Variants in CYSLTR2 observed in about 807,000 individuals in gnomAD.
CYSLTR2 encodes cysteinyl leukotriene receptor 2.
For missense variants in CYSLTR2, 398 were observed against 411.9 expected, an observed-to-expected ratio of 0.97 and a Z score of 0.29; for synonymous variants, 179 against 160.8, an observed-to-expected ratio of 1.11 and a Z score of -0.86.
At chr13:48,688,292 G>A (rs192924094) in intron 1 of CYSLTR2, among the ~76,000 whole-genome samples, 1 of 151,890 alleles carries the variant, frequency 6.6e-6, no homozygotes, top group African/African-American at 2.4e-5. Flanking sequence ...ATACTTTTAA[G>A]TTATGGGCTA....
chr13:48,658,819 T>C (rs1227108546), intron 1 of CYSLTR2, among the ~76,000 whole-genome samples: 1 of 152,106 alleles, frequency 6.6e-6, no homozygotes, highest in African/African-American at 2.4e-5. Context: ...GAGAATATGC[T>C]GGACAACAAG....
chr13:48,690,368 A>G (rs1021572344), intron 1 of CYSLTR2, among the ~76,000 whole-genome samples: 1 of 152,168 alleles, frequency 6.6e-6, no homozygotes, highest in Non-Finnish European at 1.5e-5. Context: ...TTGCCCATTC[A>G]GTATGATATT....
chr13:48,698,951 C>T (rs898196802), intron 4 of CYSLTR2, among the ~76,000 whole-genome samples: 20 of 152,296 alleles, frequency 1.3e-4, no homozygotes, highest in Admixed American at 9.8e-4. Context: ...GTAAAGGGAT[C>T]GACTCAACAA....
intron 4 of CYSLTR2, among the ~76,000 whole-genome samples, chr13:48,698,823 G>A (rs967164257): frequency 6.6e-6 from 1 of 152,064 alleles, no homozygotes; most frequent in Non-Finnish European, 1.5e-5. Flanking sequence ...AGGGATGGAG[G>A]AAGATCTACC....
intron 1 of CYSLTR2, among the ~76,000 whole-genome samples, chr13:48,666,276 A>G (rs1283075209): frequency 9.9e-5 from 15 of 152,276 alleles, no homozygotes; most frequent in African/African-American, 3.1e-4. Flanking sequence ...CCTTAGGCCA[A>G]TGAAGATTCC....
chr13:48,671,689 T>C (rs1307534348), intron 1 of CYSLTR2, among the ~76,000 whole-genome samples: 5 of 152,222 alleles, frequency 3.3e-5, no homozygotes, highest in East Asian at 1.9e-4. Flanking sequence ...CAGTGTTTTA[T>C]TGAGGATTTT....
chr13:48,706,611 A>G, intron 4 of CYSLTR2: 2 of 517,352 alleles, frequency 3.9e-6, no homozygotes, highest in Non-Finnish European at 6.8e-6. Flanking sequence ...GCTATTCTAC[A>G]TTCAAAAATC....
chr13:48,690,867 G>A (rs1954020654), intron 1 of CYSLTR2, among the ~76,000 whole-genome samples: 1 of 151,242 alleles, frequency 6.6e-6, no homozygotes, highest in Non-Finnish European at 1.5e-5. Context: ...GATATCGGCT[G>A]TGAATCCATC....
At chr13:48,660,371 A>G (rs764322350) in intron 1 of CYSLTR2, among the ~76,000 whole-genome samples, 43 of 152,296 alleles carry the variant, frequency 2.8e-4, no homozygotes, top group Non-Finnish European at 5.9e-4. Flanking sequence ...CTTCATGGTT[A>G]AGTGGCATGT....
chr13:48,697,815 G>C (rs1041470038), intron 4 of CYSLTR2, among the ~76,000 whole-genome samples: 2 of 152,180 alleles, frequency 1.3e-5, no homozygotes, highest in Non-Finnish European at 2.9e-5. Flanking sequence ...GTGTAGAGAA[G>C]TCCTTAAATG....
Position 48,684,315 on chromosome 13 carries a change from C to A in CYSLTR2, c.-265-6897C>A, listed in dbSNP as rs148868985. Among the ~76,000 whole-genome samples, 334 of 152,036 alleles carry A rather than the reference C, an allele frequency of 2.2e-3. 2 individuals are homozygous for A. Among genetic ancestry groups the A allele is most frequent in the African/African-American group, 7.5e-3 (312 of 41,498 alleles). Reference sequence around the variant, plus strand: ...GAGTGGGGTAATCTTGAGAGATTCTCATTATGAACATGTCAGAGTAATCAG... The same window carrying A: ...GAGTGGGGTAATCTTGAGAGATTCTAATTATGAACATGTCAGAGTAATCAG... On this transcript the variant is annotated intron_variant, in intron 1 of 4. Coordinates refer to ENST00000682523, the MANE Select transcript of CYSLTR2 (RefSeq NM_001308476.3).
At chr13:48,690,131 C>CT (rs1162934984) in intron 1 of CYSLTR2, among the ~76,000 whole-genome samples, 1 of 151,866 alleles carries the variant, frequency 6.6e-6, no homozygotes, top group Non-Finnish European at 1.5e-5. Flanking sequence ...GCTGAATTTG[C>CT]TTTGCTGAAG....
intron 1 of CYSLTR2, among the ~76,000 whole-genome samples, chr13:48,658,964 G>A (rs1953063540): frequency 1.3e-5 from 2 of 152,146 alleles, no homozygotes; most frequent in African/African-American, 4.8e-5. Flanking sequence ...ATTGAGAACA[G>A]CCAGAGTGGA....
At position 48,710,880 on chromosome 13, in the gene CYSLTR2, G is replaced by C. The variant is rs1000286945; in HGVS notation, c.*3022G>C. The stretch of plus-strand genomic sequence containing the variant: ...TCCCACAGATAAGGGGGTGCTGCTG[G>C]AGTGAAATACTGTGATATAACCTTT... On this transcript the variant is annotated 3_prime_UTR_variant, in exon 5 of 5. Transcript: ENST00000682523. The C allele has an allele frequency of 6.6e-6, 1 of 152,210 alleles. No individual in the cohort carries two copies. The allele number at this position is 152,210 out of a possible 1,614,324, so 9.4% of individuals were successfully genotyped here. A position where few individuals can be genotyped will look rare whatever the true frequency, so the allele number is the denominator to read the frequency against.
rs61699943 is a variant in CYSLTR2, at chr13:48,673,433, C to CTTTTTTT, written c.-265-17760_-265-17754dup. ...TCAGAGACTAGGATTGTAACCCCGG[C>CTTTTTTT]TTTTTTTTTTTTTTTTTTTTTTTTT... On this transcript the variant is annotated intron_variant, in intron 1 of 4. Coordinates refer to ENST00000682523, the MANE Select transcript of CYSLTR2 (RefSeq NM_001308476.3). 1.6e-3 allele frequency among the ~76,000 whole-genome samples: 77 copies of CTTTTTTT among 48,328 alleles called. 1 individual carries two copies. Among genetic ancestry groups the CTTTTTTT allele is most frequent in the South Asian group, 2.7e-3 (2 of 730 alleles). The allele number at this position is 48,328 out of a possible 152,430, so 31.7% of individuals were successfully genotyped here.
chr13:48,664,113 T>C (rs1226258168), intron 1 of CYSLTR2, among the ~76,000 whole-genome samples: 1 of 152,128 alleles, frequency 6.6e-6, no homozygotes, highest in Non-Finnish European at 1.5e-5. Context: ...TCTATTGATG[T>C]GATGTATGAT....
chr13:48,690,830 T>A (rs1243225932), intron 1 of CYSLTR2, among the ~76,000 whole-genome samples: 2 of 152,178 alleles, frequency 1.3e-5, no homozygotes, highest in Non-Finnish European at 2.9e-5. Flanking sequence ...GAAGGAATGG[T>A]ACCAGCTCTT....
intron 4 of CYSLTR2, among the ~76,000 whole-genome samples, chr13:48,700,273 A>G (rs1954304852): frequency 6.6e-6 from 1 of 152,254 alleles, no homozygotes; most frequent in African/African-American, 2.4e-5. Context: ...ATCCTAAATA[A>G]AATACTGGCA....
chr13:48,704,004 T>C (rs899019030), intron 4 of CYSLTR2, among the ~76,000 whole-genome samples: 3 of 152,336 alleles, frequency 2.0e-5, no homozygotes, highest in African/African-American at 4.8e-5. Flanking sequence ...GTGAAACTTA[T>C]GTTTGTAGGG....
Sources: allele counts gnomAD v4.1 joint callset (sites outside exome capture counted in the v4.1 genomes callset), GRCh38; gene constraint gnomAD v4.1.1; transcripts MANE v1.5; gene names NCBI Gene and HGNC (gene_info 2026-07-23, HGNC 2026-07-21).